LRGUK: variants seen among roughly 807,000 people sequenced by gnomAD.
The protein encoded by LRGUK is leucine-rich repeat and guanylate kinase domain-containing protein.
In LRGUK, 65 loss-of-function variants were observed where a neutral mutation model predicts 76.0. The observed-to-expected ratio is 0.85, with a 90% CI of 0.70 to 1.05. The LOEUF is 1.05. Among genes scored for constraint, LRGUK ranks in the 50% least tolerant of loss-of-function variants. The pLI, the probability that LRGUK is intolerant of heterozygous loss-of-function variation, is 0.00. For missense variants in LRGUK, 758 were observed against 732.8 expected (o/e 1.03, Z -0.40); for synonymous variants, 268 against 265.6 (o/e 1.01, Z -0.09).
At chr7:134,239,678 G>C (rs1009243452) in intron 16 of LRGUK, among the ~76,000 whole-genome samples, 1 of 152,200 alleles carries the variant, frequency 6.6e-6, no homozygotes, top group African/African-American at 2.4e-5. Context: ...AAACGTCCCT[G>C]TCTGACAGCT....
intron 1 of LRGUK, among the ~76,000 whole-genome samples, chr7:134,128,885 T>C (rs377709221): frequency 6.6e-6 from 1 of 152,198 alleles, no homozygotes; most frequent in South Asian, 2.1e-4. Flanking sequence ...ACTGTTAGGT[T>C]CTTCTCTTTG....
chr7:134,192,496 T>G (rs561024796), intron 12 of LRGUK, among the ~76,000 whole-genome samples: 1 of 152,356 alleles, frequency 6.6e-6, no homozygotes, highest in African/African-American at 2.4e-5. Flanking sequence ...ACTGAAACCC[T>G]GACAATCTGG....
chr7:134,192,614 G>T (rs991417155), intron 12 of LRGUK, among the ~76,000 whole-genome samples: 1 of 152,114 alleles, frequency 6.6e-6, no homozygotes, highest in Non-Finnish European at 1.5e-5. Flanking sequence ...CATAATCCTC[G>T]CATGTTTTAT....
chr7:134,177,633 A>G (rs951260666), intron 9 of LRGUK, among the ~76,000 whole-genome samples: 7 of 152,160 alleles, frequency 4.6e-5, no homozygotes, highest in Non-Finnish European at 8.8e-5. Context: ...GTCTTGCTTT[A>G]GTAGCTGGTG....
chr7:134,218,731 C>T (rs999476929), intron 15 of LRGUK, among the ~76,000 whole-genome samples: 3 of 152,134 alleles, frequency 2.0e-5, no homozygotes, highest in African/African-American at 7.2e-5. Context: ...ATGGCCTCTA[C>T]TGCTTTTGTT....
chr7:134,128,303 A>G (rs768235514), intron 1 of LRGUK, among the ~76,000 whole-genome samples: 6 of 152,192 alleles, frequency 3.9e-5, no homozygotes, highest in Non-Finnish European at 8.8e-5. Flanking sequence ...GAATGTTCCC[A>G]TCATCCCACC....
intron 11 of LRGUK, among the ~76,000 whole-genome samples, chr7:134,185,798 A>G (rs991021290): frequency 6.6e-6 from 1 of 152,184 alleles, no homozygotes; most frequent in African/African-American, 2.4e-5. Flanking sequence ...ACTATTTCAA[A>G]CAGGTCCATT....
chr7:134,144,937 G>A (rs561444033), intron 4 of LRGUK, among the ~76,000 whole-genome samples: 1 of 152,226 alleles, frequency 6.6e-6, no homozygotes, highest in Admixed American at 6.5e-5. Context: ...CATTCGCCTT[G>A]TCTGAAGCCA....
chr7:134,167,106 T>A (rs2116948836), intron 7 of LRGUK, among the ~76,000 whole-genome samples: 1 of 152,238 alleles, frequency 6.6e-6, no homozygotes, highest in South Asian at 2.1e-4. Flanking sequence ...TCAATCTCCA[T>A]TCCACCTGGC....
exon 19 of LRGUK, chr7:134,258,385 A>G (rs753729712): frequency 3.7e-6 from 6 of 1,613,952 alleles, no homozygotes; most frequent in South Asian, 1.1e-5. Flanking sequence ...AGTGACAGTG[A>G]GACCGAAGAG....
rs1308846899 is a variant in LRGUK at position 134,143,102 on chromosome 7, T to TA, written c.530dup (p.Asn177LysfsTer6). On this transcript the variant is annotated frameshift_variant, in exon 4 of 16. Transcript: ENST00000645682. LOFTEE classifies it high-confidence loss of function. ...GTTGTATGCCTTATCTCCTAGAACT[T>TA]AATGCTTCTCAAAATAATTTGACTA... 1.9e-6 allele frequency: 3 copies of TA among 1,610,726 alleles called. No homozygotes were observed. The highest frequency in any genetic ancestry group is 2.5e-6 in the Non-Finnish European group (3 of 1,177,114).
In LRGUK at chr7:134,247,571, CACAG is replaced by C; in HGVS notation, c.2004_2007del (p.Arg668SerfsTer9). On this transcript the variant is annotated frameshift_variant, in exon 17 of 20. Transcript: ENST00000285928. LOFTEE classifies it high-confidence loss of function. ...TCTTACCTAGGAAAGAGATTCTATA[CACAG>C]ACAGCACGAGGCAGCCCGGCAAGCT... is the stretch of plus-strand genomic sequence containing the variant. 1 of 1,613,306 alleles carries C rather than the reference CACAG, an allele frequency of 6.2e-7. No individual in the cohort carries two copies. Among genetic ancestry groups the C allele is most frequent in the Non-Finnish European group, 8.5e-7 (1 of 1,179,504 alleles).
At chr7:134,184,980 A>G (rs552471514) in intron 11 of LRGUK, among the ~76,000 whole-genome samples, 1 of 152,328 alleles carries the variant, frequency 6.6e-6, no homozygotes, top group Non-Finnish European at 1.5e-5. Flanking sequence ...AGCCTGGAAC[A>G]TGTGCCAACG....
chr7:134,178,481 T>C (rs1473638818), intron 9 of LRGUK, 22 bp from the exon 10 acceptor site: 2 of 1,575,758 alleles, frequency 1.3e-6, no homozygotes, highest in Admixed American at 1.9e-5. Flanking sequence ...TTTTCCCTTT[T>C]ACATCTCTAA....
At chr7:134,198,928 A>G (rs866937807) in intron 13 of LRGUK, among the ~76,000 whole-genome samples, 23 of 152,182 alleles carry the variant, frequency 1.5e-4, no homozygotes, top group African/African-American at 2.2e-4. Context: ...GAATGTACCT[A>G]TTTTATATCC....
chr7:134,142,456 G>T (rs1797804937), intron 3 of LRGUK, among the ~76,000 whole-genome samples: 2 of 152,182 alleles, frequency 1.3e-5, no homozygotes, highest in South Asian at 4.1e-4. Context: ...AAGATTCAAA[G>T]TGTGTGCTTG....
intron 18 of LRGUK, 40 bp downstream of exon 18, chr7:134,249,116 C>G (rs369754552): frequency 3.3e-6 from 5 of 1,516,986 alleles, no homozygotes; most frequent in Non-Finnish European, 3.5e-6. Context: ...TGGCTATTTT[C>G]TGCTGGTTAG....
intron 3 of LRGUK, among the ~76,000 whole-genome samples, chr7:134,140,691 T>TTC (rs1797730884): frequency 6.6e-6 from 1 of 152,108 alleles, no homozygotes; most frequent in East Asian, 1.9e-4. Context: ...GGGGTTTTTT[T>TTC]CCCCTTCTAG....
intron 14 of LRGUK, 35 bp from the exon 15 acceptor site, chr7:134,201,446 T>C: frequency 6.7e-7 from 1 of 1,502,772 alleles, no homozygotes; most frequent in Non-Finnish European, 9.3e-7. Flanking sequence ...TTGGATGTGA[T>C]CCTGTTGCTT....
Sources: gnomAD v4.1 joint callset for allele counts (sites outside exome capture counted in the v4.1 genomes callset) on GRCh38, gnomAD v4.1.1 for gene constraint, MANE v1.5 for transcripts, NCBI Gene and HGNC (gene_info 2026-07-23, HGNC 2026-07-21) for gene names.